Variants in PPP1CC observed in about 807,000 individuals in gnomAD.
PPP1CC encodes serine/threonine-protein phosphatase PP1-gamma catalytic subunit.
PPP1CC carries 16 observed loss-of-function variants against 38.4 expected under a neutral mutation model. The ratio of observed to expected loss-of-function variants is 0.42; its 90% CI spans 0.28 to 0.63. The LOEUF (loss-of-function observed/expected upper bound fraction) is 0.63, where lower values mean the gene tolerates loss of function less well. Ranked by LOEUF, PPP1CC falls within the 30% of genes least tolerant of loss-of-function variation. The pLI is 0.25. For missense variants in PPP1CC, 170 were observed against 391.3 expected (o/e 0.43, Z 4.77); for synonymous variants, 158 against 136.0 (o/e 1.16, Z -1.13).
downstream of PPP1CC, among the ~76,000 whole-genome samples, chr12:110,714,732 G>A (rs575976830): frequency 1.3e-5 from 2 of 149,592 alleles, no homozygotes; most frequent in South Asian, 4.3e-4. Context: ...CTTGAGCCCG[G>A]GAGGTGGAGC....
At chr12:110,715,789 T>C (rs1274418854), downstream of PPP1CC, among the ~76,000 whole-genome samples, 3 of 152,038 alleles carry the variant, frequency 2.0e-5, 1 homozygote, top group African/African-American at 7.3e-5. Flanking sequence ...GCCAGGCTAA[T>C]TTTGTATTTT....
At chr12:110,712,567 G>A in the PPP1CC span, among the ~76,000 whole-genome samples, 1 of 142,604 alleles carries the variant, frequency 7.0e-6, no homozygotes, top group Non-Finnish European at 1.5e-5. Context: ...TTGAATCCGG[G>A]AAGCGGAGGT....
chr12:110,742,467 C>G (rs529769891), intron 1 of PPP1CC, among the ~76,000 whole-genome samples, 186 bp downstream of exon 1: 1 of 152,318 alleles, frequency 6.6e-6, no homozygotes, highest in Non-Finnish European at 1.5e-5. Context: ...CAGCTGGCGA[C>G]AAGTTGGGAA....
At chr12:110,712,832 G>T in the PPP1CC span, among the ~76,000 whole-genome samples, 2 of 151,816 alleles carry the variant, frequency 1.3e-5, no homozygotes, top group East Asian at 3.9e-4. Context: ...AGCACTTTGT[G>T]AGGGCAAGGC....
rs568538358 is a variant in PPP1CC at position 110,742,731 on chromosome 12, C to A, written c.-24G>T. On this transcript the variant is annotated 5_prime_UTR_variant, in exon 1 of 7. Coordinates refer to ENST00000335007, the MANE Select transcript of PPP1CC (RefSeq NM_002710.4). ...ATCGCCTTCCCACCGCCGACCCTCC[C>A]GCAGCGGCGCCGCCGCCGGCTCGCG... 2.9e-6 allele frequency: 4 copies of A among 1,398,670 alleles called. No homozygotes were observed. Among genetic ancestry groups the A allele is most frequent in the East Asian group, 2.9e-5 (1 of 34,768 alleles). 86.6% of individuals were successfully genotyped at this position (1,398,670 alleles called of 1,614,324 possible).
chr12:110,738,740 G>T (rs2069976952), intron 1 of PPP1CC, among the ~76,000 whole-genome samples: 1 of 152,194 alleles, frequency 6.6e-6, no homozygotes, highest in African/African-American at 2.4e-5. Context: ...ACACAATTCT[G>T]TCAGATTTCA....
At chr12:110,729,999 C>T (rs2069853806) in intron 3 of PPP1CC, among the ~76,000 whole-genome samples, 1 of 152,212 alleles carries the variant, frequency 6.6e-6, no homozygotes, top group Admixed American at 6.5e-5. Flanking sequence ...CTAATCTGAT[C>T]ATCACATCAT....
intron 1 of PPP1CC, among the ~76,000 whole-genome samples, chr12:110,735,662 A>T (rs1019597158): frequency 4.6e-5 from 7 of 151,274 alleles, no homozygotes; most frequent in African/African-American, 1.7e-4. Flanking sequence ...CACGCCTGTA[A>T]CCCCAGCTAC....
chr12:110,714,730 C>T (rs1022419239), downstream of PPP1CC, among the ~76,000 whole-genome samples: 16 of 132,354 alleles, frequency 1.2e-4, no homozygotes, highest in Admixed American at 1.9e-4. Context: ...CACTTGAGCC[C>T]GGGAGGTGGA....
At position 110,725,816 on chromosome 12, in the gene PPP1CC, C is replaced by T. The variant is rs150382617; in HGVS notation, c.419-1052G>A. The T allele has an allele frequency of 7.2e-3, 1,092 of 152,498 alleles. 9 individuals carry two copies. The highest frequency in any genetic ancestry group is 0.012 in the Non-Finnish European group (806 of 68,186). 9.4% of individuals were successfully genotyped at this position (152,498 alleles called of 1,614,324 possible). A position where few individuals can be genotyped will look rare whatever the true frequency, so the allele number is the denominator to read the frequency against. On this transcript the variant is annotated intron_variant, in intron 3 of 6. Transcript: ENST00000335007. Reference sequence around the variant, plus strand: ...GTGGCTCACACCTGTAATCCCAGCACTTTGGGAGGCCGAGGCGGGCAGACC... The same window carrying T: ...GTGGCTCACACCTGTAATCCCAGCATTTTGGGAGGCCGAGGCGGGCAGACC...
chr12:110,736,837 C>T (rs1205646138), intron 1 of PPP1CC, among the ~76,000 whole-genome samples: 2 of 152,014 alleles, frequency 1.3e-5, no homozygotes, highest in East Asian at 3.9e-4. Context: ...ACATAAAGGC[C>T]CCTTAATTGT....
downstream of PPP1CC, among the ~76,000 whole-genome samples, chr12:110,717,686 A>G (rs57865940): frequency 0.17 from 25,168 of 152,078 alleles, 3,090 homozygotes; most frequent in African/African-American, 0.35. Flanking sequence ...GTGAGCCACC[A>G]TGCCCGGCCT....
intron 4 of PPP1CC, among the ~76,000 whole-genome samples, chr12:110,723,024 G>A (rs927453763): frequency 2.6e-5 from 4 of 152,212 alleles, no homozygotes; most frequent in Non-Finnish European, 4.4e-5. Context: ...TGACAATAAT[G>A]AGCGATGTTA....
Position 110,720,062 on chromosome 12 carries a change from TCCTTTGTTTTAACTTATAAG to T in PPP1CC, c.*994_*1013del. The T allele has an allele frequency of 7.5e-7, 1 of 1,329,068 alleles. No individual in the cohort carries two copies. Among genetic ancestry groups the T allele is most frequent in the Non-Finnish European group, 1.0e-6 (1 of 966,698 alleles). The allele number at this position is 1,329,068 out of a possible 1,614,324, so 82.3% of individuals were successfully genotyped here. ...ATAAACTGGTGGACAGTAAGTTAGT[TCCTTTGTTTTAACTTATAAG>T]CCTCAACTTCACCGCAGAATAAAGA... On this transcript the variant is annotated 3_prime_UTR_variant, in exon 7 of 7. Transcript: ENST00000335007.
chr12:110,729,615 C>T (rs761564912), intron 3 of PPP1CC, among the ~76,000 whole-genome samples: 1 of 152,212 alleles, frequency 6.6e-6, no homozygotes, highest in Non-Finnish European at 1.5e-5. Flanking sequence ...TTGTTCAGCA[C>T]ATTTTAGTTT....
the PPP1CC span, among the ~76,000 whole-genome samples, chr12:110,712,635 CAAAAAAAAAAA>C: frequency 5.3e-5 from 2 of 37,666 alleles, no homozygotes; most frequent in Non-Finnish European, 8.8e-5. Context: ...GAAACTGTCT[CAAAAAAAAAAA>C]AAAAAAAAAA....
chr12:110,729,976 T>C (rs1242895947), intron 3 of PPP1CC, among the ~76,000 whole-genome samples: 1 of 152,272 alleles, frequency 6.6e-6, no homozygotes, highest in Non-Finnish European at 1.5e-5. Flanking sequence ...ACCATTACCA[T>C]GATCATTACT....
chr12:110,718,560 C>T (rs1383434626), downstream of PPP1CC, among the ~76,000 whole-genome samples: 1 of 152,166 alleles, frequency 6.6e-6, no homozygotes, highest in Non-Finnish European at 1.5e-5. Context: ...GCAAGTGACA[C>T]TTCAAACTCA....
At chr12:110,717,150 G>C (rs2069693792), downstream of PPP1CC, among the ~76,000 whole-genome samples, 1 of 152,100 alleles carries the variant, frequency 6.6e-6, no homozygotes, top group Non-Finnish European at 1.5e-5. Context: ...GTAGATTTTT[G>C]GTGGGCTAAT....
Sources: gnomAD v4.1 joint callset for allele counts (sites outside exome capture counted in the v4.1 genomes callset) on GRCh38, gnomAD v4.1.1 for gene constraint, MANE v1.5 for transcripts, NCBI Gene and HGNC (gene_info 2026-07-23, HGNC 2026-07-21) for gene names.